Variants in LINGO2 observed in about 807,000 individuals in gnomAD.
The protein encoded by LINGO2 is leucine-rich repeat and immunoglobulin-like domain-containing nogo receptor-interacting protein 2.
Under a neutral mutation model 30.6 loss-of-function variants are expected in LINGO2, and 14 were observed. The observed-to-expected ratio is 0.46, with a 90% CI of 0.30 to 0.72. LINGO2 has a LOEUF of 0.72. Among genes scored for constraint, LINGO2 ranks in the 30% least tolerant of loss-of-function variants. LINGO2 has a pLI of 0.07. For missense variants in LINGO2, 729 were observed against 751.7 expected (o/e 0.97, Z 0.35); for synonymous variants, 317 against 288.5 (o/e 1.10, Z -1.00).
intron 4 of LINGO2, among the ~76,000 whole-genome samples, chr9:28,258,936 TAA>T (rs913092583): frequency 6.6e-6 from 1 of 151,764 alleles, no homozygotes; most frequent in African/African-American, 2.4e-5. Context: ...AAAAAAACAT[TAA>T]GTTTCAAGGC....
chr9:28,162,873 T>C (rs549586573), intron 4 of LINGO2, among the ~76,000 whole-genome samples: 1 of 152,066 alleles, frequency 6.6e-6, no homozygotes, highest in Non-Finnish European at 1.5e-5. Context: ...TGTAGAGATA[T>C]GTAGGGTAAG....
chr9:28,347,337 C>T (rs550694330), intron 3 of LINGO2, among the ~76,000 whole-genome samples: 3 of 152,148 alleles, frequency 2.0e-5, no homozygotes, highest in Non-Finnish European at 4.4e-5. Context: ...TTACAACGGG[C>T]TCTCAGGAAA....
chr9:28,330,015 C>T lies in LINGO2; in HGVS notation c.-245-34649G>A, dbSNP rs570067325. Among the ~76,000 whole-genome samples the T allele has an allele frequency of 6.7e-4, 102 of 152,120 alleles. 2 individuals are homozygous for T. In the South Asian group the frequency reaches 0.021, roughly 31 times the overall value. On this transcript the variant is annotated intron_variant, in intron 3 of 5. Transcript: ENST00000379992. Reference sequence around the variant, plus strand: ...GTGTTCATCTATTGAAGCCATAACCCCCAATGCGATAGTGTTTGGAGATGA... The same window carrying T: ...GTGTTCATCTATTGAAGCCATAACCTCCAATGCGATAGTGTTTGGAGATGA...
the LINGO2 span, among the ~76,000 whole-genome samples, chr9:28,697,874 A>G: frequency 6.6e-6 from 1 of 152,088 alleles, no homozygotes; most frequent in Non-Finnish European, 1.5e-5. Flanking sequence ...GTTGCAAAGA[A>G]GCATACAACA....
chr9:28,252,967 T>C (rs1247118234), intron 4 of LINGO2, among the ~76,000 whole-genome samples: 1 of 151,982 alleles, frequency 6.6e-6, no homozygotes, highest in Admixed American at 6.6e-5. Context: ...AAAACTAGCA[T>C]TTGGAGAATA....
chr9:28,806,499 C>G, the LINGO2 span, among the ~76,000 whole-genome samples: 2 of 152,140 alleles, frequency 1.3e-5, no homozygotes, highest in African/African-American at 4.8e-5. Context: ...TCAATTCTAT[C>G]TATAAAATGG....
chr9:27,981,560 G>GAAA (rs1318410176), intron 5 of LINGO2, among the ~76,000 whole-genome samples: 1 of 87,290 alleles, frequency 1.1e-5, no homozygotes. Flanking sequence ...AGAAAAAAAA[G>GAAA]AAAAAAAAAG....
the LINGO2 span, among the ~76,000 whole-genome samples, chr9:29,036,257 G>A: frequency 2.6e-5 from 4 of 152,128 alleles, no homozygotes; most frequent in East Asian, 3.9e-4. Flanking sequence ...CTTAAAAAGT[G>A]CATAAAAGTG....
intron 5 of LINGO2, among the ~76,000 whole-genome samples, chr9:27,989,003 G>GTCTCTACC (rs541217959): frequency 7.5e-4 from 114 of 152,038 alleles, no homozygotes; most frequent in African/African-American, 2.5e-3. Flanking sequence ...TAGCCTCTCA[G>GTCTCTACC]TCTTCTTCCT....
At chr9:28,143,272 T>A (rs1301317903) in intron 4 of LINGO2, among the ~76,000 whole-genome samples, 1 of 152,194 alleles carries the variant, frequency 6.6e-6, no homozygotes, top group African/African-American at 2.4e-5. Context: ...ATTTATTGAA[T>A]AGTCCTGGAG....
At chr9:28,620,859 G>T (rs1826358162) in intron 1 of LINGO2, among the ~76,000 whole-genome samples, 1 of 151,924 alleles carries the variant, frequency 6.6e-6, no homozygotes, top group Non-Finnish European at 1.5e-5. Context: ...AGAGGATCAG[G>T]AAAAACAACT....
the LINGO2 span, among the ~76,000 whole-genome samples, chr9:28,940,975 CAT>C: frequency 6.7e-6 from 1 of 148,716 alleles, no homozygotes; most frequent in Admixed American, 6.7e-5. Flanking sequence ...AAGGAACACT[CAT>C]ATTTATGTCT....
intron 4 of LINGO2, among the ~76,000 whole-genome samples, chr9:28,118,884 G>A (rs1827011675): frequency 6.6e-6 from 1 of 151,916 alleles, no homozygotes; most frequent in Non-Finnish European, 1.5e-5. Context: ...GAAGTCTGTG[G>A]GTTTAATAGC....
At chr9:28,043,799 A>G (rs1342534115) in intron 4 of LINGO2, among the ~76,000 whole-genome samples, 1 of 152,200 alleles carries the variant, frequency 6.6e-6, no homozygotes, top group Non-Finnish European at 1.5e-5. Flanking sequence ...GATTTTGCAT[A>G]TATATCTCCA....
intron 2 of LINGO2, among the ~76,000 whole-genome samples, chr9:28,442,088 T>A (rs760131491): frequency 9.2e-5 from 14 of 152,136 alleles, no homozygotes; most frequent in Non-Finnish European, 1.8e-4. Context: ...TTGCCTGTGA[T>A]CTCGGAGGGA....
intron 4 of LINGO2, among the ~76,000 whole-genome samples, chr9:28,259,566 G>A (rs528530304): frequency 6.6e-6 from 1 of 151,700 alleles, no homozygotes; most frequent in Non-Finnish European, 1.5e-5. Context: ...AGAAATACAG[G>A]GAAGAAGAGA....
chr9:29,168,494 C>T, the LINGO2 span, among the ~76,000 whole-genome samples: 1 of 151,986 alleles, frequency 6.6e-6, no homozygotes, highest in African/African-American at 2.4e-5. Flanking sequence ...ACCATTCTGG[C>T]CAAAGAAATA....
intron 2 of LINGO2, among the ~76,000 whole-genome samples, chr9:28,469,781 G>A (rs1034214791): frequency 1.3e-5 from 2 of 152,060 alleles, no homozygotes; most frequent in Admixed American, 1.3e-4. Context: ...CAAAACTGAG[G>A]CAGTTAATTA....
chr9:29,137,150 G>T, the LINGO2 span, among the ~76,000 whole-genome samples: 6,245 of 152,106 alleles, frequency 0.041, 199 homozygotes, highest in Admixed American at 0.079. Flanking sequence ...CCCTTCACTT[G>T]ATGTTTTCAG....
Sources: gnomAD v4.1 joint callset for allele counts (sites outside exome capture counted in the v4.1 genomes callset) on GRCh38, gnomAD v4.1.1 for gene constraint, MANE v1.5 for transcripts, NCBI Gene and HGNC (gene_info 2026-07-23, HGNC 2026-07-21) for gene names.